RFC1: variants seen among roughly 807,000 people sequenced by gnomAD.
The protein encoded by RFC1 is A1 140 kDa subunit.
In RFC1, 37 loss-of-function variants were observed where a neutral mutation model predicts 137.4. That is an observed-to-expected ratio of 0.27 (90% CI 0.21 to 0.35). The LOEUF is 0.35. RFC1 is among the 10% of genes least tolerant of loss of function. The pLI is 1.00. For missense variants in RFC1, 1,205 were observed against 1,358.5 expected (o/e 0.89, Z 1.78); for synonymous variants, 429 against 455.7 (o/e 0.94, Z 0.75).
intron 3 of RFC1, 70 bp downstream of exon 3, chr4:39,345,331 G>C: frequency 7.4e-7 from 1 of 1,360,042 alleles, no homozygotes; most frequent in Non-Finnish European, 1.0e-6. Flanking sequence ...TTAGAACATA[G>C]TTTAAAGCAC....
intron 23 of RFC1, among the ~76,000 whole-genome samples, chr4:39,291,418 A>G (rs984036863): frequency 2.6e-5 from 4 of 152,260 alleles, no homozygotes; most frequent in Admixed American, 6.5e-5. Context: ...TCCACTGAGC[A>G]TAAAGCAAAG....
intron 12 of RFC1, among the ~76,000 whole-genome samples, chr4:39,309,762 G>A (rs945968767): frequency 6.6e-6 from 1 of 152,152 alleles, no homozygotes; most frequent in Non-Finnish European, 1.5e-5. Flanking sequence ...GTATACTCTT[G>A]TTAATATACT....
chr4:39,332,580 T>C (rs939590666), intron 4 of RFC1, among the ~76,000 whole-genome samples: 1 of 152,236 alleles, frequency 6.6e-6, no homozygotes, highest in African/African-American at 2.4e-5. Context: ...TCACCTTCTT[T>C]CTTTAGCAAA....
At chr4:39,359,778 C>G (rs755030585) in intron 1 of RFC1, among the ~76,000 whole-genome samples, 20 of 150,520 alleles carry the variant, frequency 1.3e-4, no homozygotes, top group Non-Finnish European at 2.7e-4. Flanking sequence ...GCCAAGATTG[C>G]GCCACTGCAC....
chr4:39,290,062 G>A (rs757692199), intron 23 of RFC1, 23 bp from the exon 24 acceptor site: 1 of 1,554,386 alleles, frequency 6.4e-7, no homozygotes, highest in Non-Finnish European at 8.8e-7. Flanking sequence ...AGTAGATGGA[G>A]TTTTTAAAAA....
chr4:39,366,196 C>A (rs764525198), intron 1 of RFC1, 43 bp downstream of exon 1: 5 of 1,544,648 alleles, frequency 3.2e-6, no homozygotes, highest in African/African-American at 2.8e-5. Flanking sequence ...GCCTGCAAAG[C>A]CCCCCCAGAC....
At chr4:39,347,967 G>A (rs1293546115) in intron 2 of RFC1, among the ~76,000 whole-genome samples, 2 of 152,184 alleles carry the variant, frequency 1.3e-5, no homozygotes, top group Non-Finnish European at 2.9e-5. Flanking sequence ...ATTTAGCTGA[G>A]GAGATTTCAA....
Position 39,291,664 on chromosome 4 carries a change from C to T in RFC1, c.3143G>A (p.Ser1048Asn). ...CTTGGGATCCAGCTTTGAAAAGGGA[C>T]TAGGTTTGCCACCCCAGCTGCTGAT... ...MEISSWGGKP[S>N]PFSKLDPKVK... The change falls in exon 23 of 25, where the codon AGT (serine) becomes AAT (asparagine). Residue 1048 changes from serine (S) to asparagine (N), a missense_variant. Transcript: ENST00000349703. The T allele has an allele frequency of 1.9e-6, 3 of 1,613,884 alleles. No individual in the cohort carries two copies. Among genetic ancestry groups the T allele is most frequent in the Middle Eastern group, 1.7e-4 (1 of 6,060 alleles).
intron 19 of RFC1, among the ~76,000 whole-genome samples, chr4:39,300,976 C>T (rs1050771400): frequency 1.3e-5 from 2 of 151,584 alleles, no homozygotes; most frequent in African/African-American, 4.9e-5. Flanking sequence ...GCCTGTAACC[C>T]GAGCTACTCA....
chr4:39,362,870 T>C (rs1741827291), intron 1 of RFC1, among the ~76,000 whole-genome samples: 1 of 152,214 alleles, frequency 6.6e-6, no homozygotes, highest in Non-Finnish European at 1.5e-5. Flanking sequence ...GAGAGGTAGG[T>C]AGGGGCCTTA....
At chr4:39,351,589 TC>T in intron 1 of RFC1, 113 bp from the exon 2 acceptor site, 1 of 865,136 alleles carries the variant, frequency 1.2e-6, no homozygotes, top group Non-Finnish European at 1.7e-6. Flanking sequence ...GAGTAATTTT[TC>T]CATACCAAGA....
At position 39,295,731 on chromosome 4, in the gene RFC1, T is replaced by C. The variant is rs752781267; in HGVS notation, c.2837A>G (p.Glu946Gly). 6.2e-7 allele frequency: 1 copy of C among 1,611,166 alleles called. No homozygotes were observed. The highest frequency in any genetic ancestry group is 8.5e-7 in the Non-Finnish European group (1 of 1,179,028). ...QAIYASVLPG[E>G]LMRGYMTQFP... ...CTGGGTCATGTACCCCCTCATCAAC[T>C]CTCCAGGAAGAACACTGGCATAAAT... is the stretch of plus-strand genomic sequence containing the variant. Residue 946 changes from glutamate (E) to glycine (G), a missense_variant, in exon 22 of 25, where the codon GAG becomes GGG. Glu to Gly is a moderately conservative substitution (Grantham distance 98). Transcript: ENST00000349703.
At chr4:39,295,891 G>T in intron 21 of RFC1, 132 bp from the exon 22 acceptor site, 1 of 702,706 alleles carries the variant, frequency 1.4e-6, no homozygotes, top group Non-Finnish European at 2.3e-6. Flanking sequence ...AGGGCAGTCA[G>T]ACCCTTTCTA....
chr4:39,303,610 C>T (rs939372824), intron 15 of RFC1, among the ~76,000 whole-genome samples: 4 of 152,172 alleles, frequency 2.6e-5, no homozygotes, highest in South Asian at 2.1e-4. Flanking sequence ...CACGCCACCA[C>T]ACCCAGCTAA....
chr4:39,300,358 C>T lies in RFC1; in HGVS notation c.2592G>A (p.Met864Ile). ...VFAAGEETAH[M>I]SLVDKSDLFF... Reference sequence around the variant, plus strand: ...AGAGATCTGACTTGTCCACAAGTGACATGTGAGCAGTCTCCTCTCCAGCTG... The same window carrying T: ...AGAGATCTGACTTGTCCACAAGTGATATGTGAGCAGTCTCCTCTCCAGCTG... The change falls in exon 20 of 25, where the codon ATG (methionine) becomes ATA (isoleucine). Residue 864 changes from methionine (M) to isoleucine (I), a missense_variant. By Grantham distance (10) the Met-to-Ile change is conservative. Transcript: ENST00000349703. 1 of 1,613,976 alleles carries T rather than the reference C, an allele frequency of 6.2e-7. No homozygotes were observed. Among genetic ancestry groups the T allele is most frequent in the Non-Finnish European group, 8.5e-7 (1 of 1,179,844 alleles).
intron 4 of RFC1, among the ~76,000 whole-genome samples, chr4:39,331,185 A>G (rs969036937): frequency 3.3e-5 from 5 of 152,222 alleles, no homozygotes; most frequent in African/African-American, 1.2e-4. Context: ...TATACCCAGT[A>G]TATGTTAAAT....
chr4:39,290,733 T>C (rs1737627050), intron 23 of RFC1, among the ~76,000 whole-genome samples: 1 of 150,864 alleles, frequency 6.6e-6, no homozygotes, highest in African/African-American at 2.4e-5. Context: ...GAGAATGGCT[T>C]GAACCCGGGA....
At chr4:39,302,689 TTAAA>T (rs780969541) in intron 17 of RFC1, 44 bp downstream of exon 17, 2 of 1,532,048 alleles carry the variant, frequency 1.3e-6, no homozygotes, top group Non-Finnish European at 1.8e-6. Context: ...AAATTGACCC[TTAAA>T]TAAATAGGCT....
At position 39,300,065 on chromosome 4, in the gene RFC1, T is replaced by C. The variant is rs1345366198; in HGVS notation, c.2764A>G (p.Ser922Gly). The C allele has an allele frequency of 5.0e-6, 8 of 1,614,104 alleles. No homozygotes were observed. In the East Asian group the frequency reaches 1.6e-4, roughly 31 times the overall value. Reference protein sequence around the residue: ...DSICDGDLVDSQIRSKQNWSL... With the variant: ...DSICDGDLVDGQIRSKQNWSL... ...CAGTTTTGCTTACTCCGGATCTGGCTGTCCACTAGGTCACCATCGCATATG... is the reference window on the plus strand; with the variant it reads ...CAGTTTTGCTTACTCCGGATCTGGCCGTCCACTAGGTCACCATCGCATATG... The change falls in exon 21 of 25, where the codon AGC becomes GGC. Residue 922 changes from serine to glycine, a missense_variant. Ser to Gly is a moderately conservative substitution (Grantham distance 56, BLOSUM62 0). Transcript: ENST00000349703.
Sources: gnomAD v4.1 joint callset for allele counts (sites outside exome capture counted in the v4.1 genomes callset) on GRCh38, gnomAD v4.1.1 for gene constraint, MANE v1.5 for transcripts, NCBI Gene and HGNC (gene_info 2026-07-23, HGNC 2026-07-21) for gene names.